The following GRIK2 variants were observed in gnomAD, a reference collection of about 807,000 sequenced individuals.
The protein encoded by GRIK2 is glutamate receptor ionotropic, kainate 2.
GRIK2 carries 32 observed loss-of-function variants against 100.3 expected under a neutral mutation model. The observed-to-expected ratio is 0.32, with a 90% confidence interval of 0.24 to 0.43. The LOEUF (loss-of-function observed/expected upper bound fraction) is 0.43. Among genes scored for constraint, GRIK2 ranks in the 20% least tolerant of loss-of-function variants. GRIK2 has a pLI of 1.00. For synonymous variants in GRIK2, 417 were observed against 389.4 expected (o/e 1.07, Z -0.83); for missense variants, 843 against 1,114.9 (o/e 0.76, Z 3.47).
chr6:102,050,579 G>A (rs1173837251), intron 15 of GRIK2, among the ~76,000 whole-genome samples: 3 of 151,300 alleles, frequency 2.0e-5, no homozygotes, highest in South Asian at 2.1e-4. Context: ...ACTGGGAGGC[G>A]GAGGTTGCAG....
chr6:101,627,117 C>CTGTGTGTGTGTGTGTG (rs111285339), intron 4 of GRIK2, among the ~76,000 whole-genome samples: 1 of 144,962 alleles, frequency 6.9e-6, no homozygotes, highest in South Asian at 2.2e-4. Context: ...GTGTGTGTCT[C>CTGTGTGTGTGTGTGTG]TGTGTGTGTG....
intron 14 of GRIK2, among the ~76,000 whole-genome samples, chr6:101,980,911 A>G (rs573987026): frequency 3.7e-4 from 37 of 98,888 alleles, no homozygotes; most frequent in African/African-American, 1.7e-3. Context: ...TTTTTTTTTT[A>G]GAACAGGCAA....
chr6:101,772,625 G>T (rs970413632), intron 7 of GRIK2, among the ~76,000 whole-genome samples: 4 of 147,492 alleles, frequency 2.7e-5, no homozygotes, highest in Non-Finnish European at 1.5e-5. Flanking sequence ...AATGAATAAA[G>T]TATAATCTTG....
intron 6 of GRIK2, among the ~76,000 whole-genome samples, chr6:101,683,226 G>A (rs1397262588): frequency 6.6e-6 from 1 of 151,562 alleles, no homozygotes; most frequent in Non-Finnish European, 1.5e-5. Context: ...AAAAGAATAA[G>A]ACAAGAAAAG....
chr6:101,803,707 A>G (rs1780813944), intron 9 of GRIK2, among the ~76,000 whole-genome samples: 1 of 151,818 alleles, frequency 6.6e-6, no homozygotes, highest in Non-Finnish European at 1.5e-5. Context: ...AGGAATTTGG[A>G]CCATTGCTGA....
intron 2 of GRIK2, among the ~76,000 whole-genome samples, chr6:101,539,323 T>C (rs1775874445): frequency 6.6e-6 from 1 of 151,612 alleles, no homozygotes; most frequent in Admixed American, 6.6e-5. Context: ...GATAGGAATA[T>C]CCAACAAATA....
At chr6:101,882,676 C>T (rs559857385) in intron 11 of GRIK2, among the ~76,000 whole-genome samples, 36 of 151,958 alleles carry the variant, frequency 2.4e-4, no homozygotes, top group African/African-American at 8.7e-4. Context: ...GTGGTAACTA[C>T]TTGGTTTGGT....
Position 101,487,410 on chromosome 6 carries a change from T to A in GRIK2, c.115+88018T>A, listed in dbSNP as rs528820818. ...CTACATTTTAAAACTGGAGGTAATATTAGTCCCATCTCCACCACAGTGTTA... is the reference window on the plus strand; with the variant it reads ...CTACATTTTAAAACTGGAGGTAATAATAGTCCCATCTCCACCACAGTGTTA... On this transcript the variant is annotated intron_variant, in intron 2 of 16. Coordinates refer to ENST00000369134, the MANE Select transcript of GRIK2 (RefSeq NM_021956.5). Among the ~76,000 whole-genome samples, 29 of 146,406 alleles carry A rather than the reference T, an allele frequency of 2.0e-4. 7 individuals carry two copies. The highest frequency in any genetic ancestry group is 7.5e-4 in the African/African-American group (29 of 38,422).
chr6:101,886,597 AT>A (rs1367416863), intron 11 of GRIK2, among the ~76,000 whole-genome samples: 1 of 151,350 alleles, frequency 6.6e-6, no homozygotes. Flanking sequence ...TGTTATTTGA[AT>A]TTTTTTCTAA....
intron 10 of GRIK2, among the ~76,000 whole-genome samples, chr6:101,856,550 G>A (rs1784435450): frequency 6.6e-6 from 1 of 152,092 alleles, no homozygotes. Context: ...AAGAAAAAAG[G>A]TTAGAGCTCA....
intron 10 of GRIK2, among the ~76,000 whole-genome samples, chr6:101,832,624 A>G (rs1782776808): frequency 6.6e-6 from 1 of 152,180 alleles, no homozygotes; most frequent in Admixed American, 6.5e-5. Context: ...AGAGCTACGT[A>G]TGATGTTCTG....
At chr6:102,051,252 C>CCTTT (rs1440492965) in intron 15 of GRIK2, among the ~76,000 whole-genome samples, 1 of 16,354 alleles carries the variant, frequency 6.1e-5, no homozygotes, top group Non-Finnish European at 1.3e-4. Context: ...TCCCTCCCTC[C>CCTTT]CTTCCTTCCT....
At chr6:101,730,372 G>A (rs1035121968) in intron 7 of GRIK2, among the ~76,000 whole-genome samples, 2 of 152,062 alleles carry the variant, frequency 1.3e-5, no homozygotes, top group South Asian at 4.1e-4. Flanking sequence ...TGTCCTGTAA[G>A]ACAGCCAGGG....
chr6:101,873,117 T>C (rs1447416985), intron 11 of GRIK2, among the ~76,000 whole-genome samples: 1 of 152,080 alleles, frequency 6.6e-6, no homozygotes. Flanking sequence ...AAATTATACA[T>C]TAAGTTCTAG....
At chr6:101,458,861 G>C (rs1189160819) in intron 2 of GRIK2, among the ~76,000 whole-genome samples, 1 of 152,108 alleles carries the variant, frequency 6.6e-6, no homozygotes, top group Non-Finnish European at 1.5e-5. Context: ...ATTTTAAACT[G>C]ACTTTTAATC....
chr6:101,757,049 G>GA (rs1254179768), intron 7 of GRIK2, among the ~76,000 whole-genome samples: 1 of 152,058 alleles, frequency 6.6e-6, no homozygotes, highest in East Asian at 1.9e-4. Context: ...TCACGTTCCA[G>GA]AAAAATCTTG....
chr6:101,440,950 A>G (rs566794944), intron 2 of GRIK2, among the ~76,000 whole-genome samples: 43 of 147,626 alleles, frequency 2.9e-4, no homozygotes, highest in African/African-American at 9.2e-4. Flanking sequence ...TAGATGGTCT[A>G]TCTTCTACCT....
intron 7 of GRIK2, among the ~76,000 whole-genome samples, chr6:101,745,980 A>T (rs1776397522): frequency 6.6e-6 from 1 of 152,194 alleles, no homozygotes; most frequent in Non-Finnish European, 1.5e-5. Context: ...GAATGTCAAG[A>T]TAACAAATTA....
intron 9 of GRIK2, among the ~76,000 whole-genome samples, chr6:101,817,539 G>T (rs1781706506): frequency 6.6e-6 from 1 of 152,130 alleles, no homozygotes; most frequent in African/African-American, 2.4e-5. Flanking sequence ...CCTTGCTGCT[G>T]ATCATTGTTA....
Sources: gnomAD v4.1 joint callset for allele counts (sites outside exome capture counted in the v4.1 genomes callset) on GRCh38, gnomAD v4.1.1 for gene constraint, MANE v1.5 for transcripts, NCBI Gene and HGNC (gene_info 2026-07-23, HGNC 2026-07-21) for gene names.